XRRA1: variants seen among roughly 807,000 people sequenced by gnomAD.
XRRA1 encodes the protein X-ray radiation resistance-associated protein 1.
Under a neutral mutation model 80.2 loss-of-function variants are expected in XRRA1, and 69 were observed. That is an observed-to-expected ratio of 0.86 (90% confidence interval 0.71 to 1.05). The LOEUF (loss-of-function observed/expected upper bound fraction) is 1.05. Ranked by LOEUF, XRRA1 falls within the 50% of genes least tolerant of loss-of-function variation. The probability of loss-of-function intolerance (pLI) is 0.00; values close to 1 mark genes in which losing one functional copy is unlikely to be tolerated. For synonymous variants in XRRA1, 348 were observed against 389.9 expected, an observed-to-expected ratio of 0.89 and a Z score of 1.27; for missense variants, 967 against 976.4, an observed-to-expected ratio of 0.99 and a Z score of 0.13.
At chr11:74,948,579 T>A (rs554690949) in intron 1 of XRRA1, among the ~76,000 whole-genome samples, 5 of 152,332 alleles carry the variant, frequency 3.3e-5, no homozygotes, top group African/African-American at 7.2e-5. Context: ...TGATTTTTTT[T>A]AAATGCCGGC....
At chr11:74,865,565 C>T (rs887554469) in intron 10 of XRRA1, among the ~76,000 whole-genome samples, 1 of 152,220 alleles carries the variant, frequency 6.6e-6, no homozygotes, top group African/African-American at 2.4e-5. Context: ...CCCAAGGGGA[C>T]CCAGTCTCAG....
At chr11:74,890,975 C>T (rs1329415348) in intron 10 of XRRA1, among the ~76,000 whole-genome samples, 1 of 152,148 alleles carries the variant, frequency 6.6e-6, no homozygotes, top group Admixed American at 6.5e-5. Flanking sequence ...ACTAGAGGTA[C>T]AAGGAGGAGC....
At chr11:74,845,646 G>A (rs1243428985) in intron 15 of XRRA1, among the ~76,000 whole-genome samples, 1 of 152,202 alleles carries the variant, frequency 6.6e-6, no homozygotes, top group Non-Finnish European at 1.5e-5. Context: ...GAGCAAAGGC[G>A]CAGAGGTAAG....
intron 5 of XRRA1, chr11:74,931,867 C>T (rs1382806214): frequency 1.3e-5 from 2 of 152,192 alleles, no homozygotes; most frequent in Admixed American, 6.5e-5. Context: ...AATTTACAGT[C>T]CTACCTGCAG....
At position 74,844,285 on chromosome 11, in the gene XRRA1, TAGGGCAAG is replaced by T. The variant is rs1279796776; in HGVS notation, c.1928-10_1928-3del. 4 of 1,611,302 alleles carry T rather than the reference TAGGGCAAG, an allele frequency of 2.5e-6. No homozygotes were observed. The highest frequency in any genetic ancestry group is 1.7e-5 in the Admixed American group (1 of 59,970). ...GGGCTTGTGCATTCTTCTGGATTCC[TAGGGCAAG>T]AAGGCAAGACTGAGTCAAGGCACTT... On this transcript the variant is annotated splice_polypyrimidine_tract_variant and splice_region_variant and intron_variant, in intron 16 of 18. Coordinates refer to ENST00000684022, the MANE Select transcript of XRRA1 (RefSeq NM_001378157.1).
At chr11:74,883,433 C>A in intron 10 of XRRA1, among the ~76,000 whole-genome samples, 1 of 152,006 alleles carries the variant, frequency 6.6e-6, no homozygotes, top group Non-Finnish European at 1.5e-5. Context: ...GTGAGATGAA[C>A]CCGGTACCTC....
At chr11:74,923,443 A>AGAT (rs1941426974) in intron 7 of XRRA1, among the ~76,000 whole-genome samples, 1 of 152,224 alleles carries the variant, frequency 6.6e-6, no homozygotes, top group South Asian at 2.1e-4. Context: ...AAGGTGCCTG[A>AGAT]GATAAGCACA....
intron 10 of XRRA1, 26 bp downstream of exon 10, chr11:74,906,213 T>C (rs1565374226): frequency 6.2e-7 from 1 of 1,601,458 alleles, no homozygotes. Context: ...GAGGGTAGAA[T>C]TTCTGGGACA....
intron 10 of XRRA1, among the ~76,000 whole-genome samples, chr11:74,896,055 G>A (rs2052221827): frequency 6.6e-6 from 1 of 152,252 alleles, no homozygotes; most frequent in African/African-American, 2.4e-5. Context: ...CTTAAGGCCT[G>A]AGATGTCCTG....
rs149557290 is a variant in XRRA1, at chr11:74,894,852, A to G, written c.1003+11387T>C. Among the ~76,000 whole-genome samples, 16 of 152,342 alleles carry G rather than the reference A, an allele frequency of 1.1e-4. No individual in the cohort carries two copies. The East Asian group carries it at 3.1e-3, about 29-fold the overall frequency. On this transcript the variant is annotated intron_variant, in intron 10 of 18. Coordinates refer to ENST00000684022, the MANE Select transcript of XRRA1 (RefSeq NM_001378157.1). ...TAAAATTAACATAGGTAGTAATAAA[A>G]GAAGATATAAAACTGTCCAGGGATA...
Position 74,937,185 on chromosome 11 carries a change from C to T in XRRA1, c.95-117G>A, listed in dbSNP as rs574804954. ...ATAGCTCCTGATTATCTAACATGCA[C>T]CAGATACAATACTGCAGCTGGGGGT... On this transcript the variant is annotated intron_variant, in intron 3 of 18. Coordinates refer to ENST00000684022, the MANE Select transcript of XRRA1 (RefSeq NM_001378157.1). 24 of 1,082,206 alleles carry T rather than the reference C, an allele frequency of 2.2e-5. 1 individual carries two copies. In the Admixed American group the frequency reaches 5.2e-4, roughly 23 times the overall value. 67.0% of individuals were successfully genotyped at this position (1,082,206 alleles called of 1,614,324 possible).
At chr11:74,881,264 A>C (rs2047497064) in intron 10 of XRRA1, among the ~76,000 whole-genome samples, 1 of 151,496 alleles carries the variant, frequency 6.6e-6, no homozygotes, top group African/African-American at 2.4e-5. Flanking sequence ...AGTCTGTTTT[A>C]TCCGAGACTA....
At chr11:74,904,544 T>A (rs956508024) in intron 10 of XRRA1, among the ~76,000 whole-genome samples, 1 of 150,840 alleles carries the variant, frequency 6.6e-6, no homozygotes, top group Non-Finnish European at 1.5e-5. Context: ...AGTGAAAAGA[T>A]TGGAATTGAA....
At chr11:74,874,214 T>C in intron 10 of XRRA1, among the ~76,000 whole-genome samples, 1 of 106,168 alleles carries the variant, frequency 9.4e-6, no homozygotes, top group East Asian at 3.1e-4. Flanking sequence ...CCAGCCTGGG[T>C]GACAGCAAGA....
At chr11:74,948,015 G>A (rs1947964651) in intron 1 of XRRA1, among the ~76,000 whole-genome samples, 1 of 152,140 alleles carries the variant, frequency 6.6e-6, no homozygotes. Context: ...GCCCGGCCGA[G>A]ATAATTATTT....
intron 16 of XRRA1, among the ~76,000 whole-genome samples, chr11:74,844,598 T>A (rs1211723168): frequency 6.6e-6 from 1 of 152,212 alleles, no homozygotes; most frequent in African/African-American, 2.4e-5. Context: ...TCGCAGGGGC[T>A]AACACCCAGA....
intron 10 of XRRA1, among the ~76,000 whole-genome samples, chr11:74,891,355 C>T (rs1035845707): frequency 2.6e-5 from 4 of 152,108 alleles, no homozygotes; most frequent in Non-Finnish European, 5.9e-5. Context: ...ATTCAACAGC[C>T]CTTCATGCTA....
At chr11:74,906,804 C>A in intron 9 of XRRA1, 1 of 388,510 alleles carries the variant, frequency 2.6e-6, no homozygotes, top group Non-Finnish European at 4.6e-6. Flanking sequence ...AGTTAGAATT[C>A]AGGAATTAAA....
intron 8 of XRRA1, among the ~76,000 whole-genome samples, chr11:74,912,989 T>C (rs1390606493): frequency 6.6e-6 from 1 of 152,158 alleles, no homozygotes; most frequent in East Asian, 1.9e-4. Flanking sequence ...ATGAAAGGCA[T>C]GGTGGACCAT....
Sources: gnomAD v4.1 joint callset for allele counts (sites outside exome capture counted in the v4.1 genomes callset) on GRCh38, gnomAD v4.1.1 for gene constraint, MANE v1.5 for transcripts, NCBI Gene and HGNC (gene_info 2026-07-23, HGNC 2026-07-21) for gene names.